The following PDE7A variants were observed in gnomAD, a reference collection of about 807,000 sequenced individuals.
PDE7A encodes phosphodiesterase 7A.
Under a neutral mutation model 64.3 loss-of-function variants are expected in PDE7A, and 39 were observed. The ratio of observed to expected loss-of-function variants is 0.61; its 90% CI spans 0.47 to 0.79. The LOEUF (loss-of-function observed/expected upper bound fraction) is 0.79, where lower values mean the gene tolerates loss of function less well. Among genes scored for constraint, PDE7A ranks in the 30% least tolerant of loss-of-function variants. The probability of loss-of-function intolerance (pLI) is 0.00; values close to 1 mark genes in which losing one functional copy is unlikely to be tolerated. For synonymous variants in PDE7A, 203 were observed against 206.8 expected (o/e 0.98, Z 0.16); for missense variants, 470 against 582.8 (o/e 0.81, Z 1.99).
Position 65,779,750 on chromosome 8 carries a change from G to A in PDE7A, c.253C>T (p.His85Tyr), listed in dbSNP as rs1468908871. The A allele has an allele frequency of 6.3e-7, 1 of 1,594,552 alleles. No individual in the cohort carries two copies. Among genetic ancestry groups the A allele is most frequent in the East Asian group, 2.3e-5 (1 of 43,914 alleles). Residue 85 changes from histidine (H) to tyrosine (Y), a missense_variant, in exon 3 of 13, where the codon CAC becomes TAC. His to Tyr is a moderately conservative substitution (Grantham distance 83). Transcript: ENST00000401827. ...AGFESERRGS[H>Y]PYIDFRIFHS... ...AAAATACGAAAATCAATATATGGGT[G>A]AGAACCTCTTCTTTCTGATTCAAAT... is the stretch of plus-strand genomic sequence containing the variant.
intron 3 of PDE7A, among the ~76,000 whole-genome samples, chr8:65,772,796 G>A (rs1226088508): frequency 1.3e-5 from 2 of 152,104 alleles, no homozygotes; most frequent in African/African-American, 4.8e-5. Context: ...TTGAGGTCAG[G>A]AGTTCAAGAC....
chr8:65,775,484 G>A (rs1307688925), intron 3 of PDE7A, among the ~76,000 whole-genome samples: 2 of 152,132 alleles, frequency 1.3e-5, no homozygotes, highest in Admixed American at 6.5e-5. Flanking sequence ...TAATTATCAC[G>A]TTTTTATGGT....
intron 1 of PDE7A, among the ~76,000 whole-genome samples, chr8:65,816,746 G>C (rs1164714999): frequency 6.6e-6 from 1 of 152,198 alleles, no homozygotes; most frequent in Non-Finnish European, 1.5e-5. Context: ...TGTGTAGTGA[G>C]TTGATTTTCT....
Position 65,729,236 on chromosome 8 carries a change from A to C in PDE7A, c.697-1935T>G, listed in dbSNP as rs185602636. ...AAAGCCATCATTAGGGTTCTTTTTC[A>C]ATAAAATAGAAAACTATTAAGTGGT... On this transcript the variant is annotated intron_variant, in intron 7 of 12. Coordinates refer to ENST00000401827, the MANE Select transcript of PDE7A (RefSeq NM_001242318.3). Among the ~76,000 whole-genome samples, 279 of 152,258 alleles carry C rather than the reference A, an allele frequency of 1.8e-3. 1 individual carries two copies. Among genetic ancestry groups the C allele is most frequent in the Non-Finnish European group, 8.2e-4 (56 of 68,018 alleles).
chr8:65,804,961 T>A (rs921354896), intron 1 of PDE7A, among the ~76,000 whole-genome samples: 1 of 152,152 alleles, frequency 6.6e-6, no homozygotes, highest in Admixed American at 6.5e-5. Flanking sequence ...TCTCTCATCC[T>A]CTCAAGTAGC....
At chr8:65,739,700 A>G (rs1159859025) in intron 5 of PDE7A, 103 bp from the exon 6 acceptor site, 2 of 1,173,462 alleles carry the variant, frequency 1.7e-6, no homozygotes, top group South Asian at 6.2e-5. Context: ...GGAAAGAGTA[A>G]TAATTCCCAC....
In PDE7A at chr8:65,777,586, T is replaced by A. The variant is rs189387948; in HGVS notation, c.283+2134A>T. Among the ~76,000 whole-genome samples the A allele has an allele frequency of 2.1e-3, 323 of 152,378 alleles. 1 individual carries two copies. The highest frequency in any genetic ancestry group is 7.4e-3 in the African/African-American group (308 of 41,588). On this transcript the variant is annotated intron_variant, in intron 3 of 12. Coordinates refer to ENST00000401827, the MANE Select transcript of PDE7A (RefSeq NM_001242318.3). ...TTTTGTTCTTTCCACAACCTTGTCA[T>A]GTTGTAGTATCAAGATTACATGCTA...
intron 1 of PDE7A, among the ~76,000 whole-genome samples, chr8:65,828,243 C>G (rs1810727903): frequency 6.6e-6 from 1 of 151,982 alleles, no homozygotes; most frequent in Non-Finnish European, 1.5e-5. Context: ...ACTGAATAAC[C>G]TTCCAGATTT....
chr8:65,774,381 A>G (rs1304392733), intron 3 of PDE7A, among the ~76,000 whole-genome samples: 1 of 152,166 alleles, frequency 6.6e-6, no homozygotes, highest in Non-Finnish European at 1.5e-5. Context: ...TATAATCAGA[A>G]AGTTTAAAGA....
chr8:65,722,919 G>A (rs1806444737), intron 12 of PDE7A: 1 of 152,216 alleles, frequency 6.6e-6, no homozygotes, highest in Non-Finnish European at 1.5e-5. Context: ...AACTCTACGA[G>A]GCACATGGAA....
In PDE7A at chr8:65,719,955, G is replaced by A. The variant is rs79892102; in HGVS notation, c.1244-460C>T. Among the ~76,000 whole-genome samples, 456 of 152,208 alleles carry A rather than the reference G, an allele frequency of 3.0e-3. 4 individuals carry two copies. Among genetic ancestry groups the A allele is most frequent in the African/African-American group, 0.01 (421 of 41,536 alleles). ...AGTAGTCTACTGCTTTACCCCTCAG[G>A]GATGGAATCTTCATGCCTGGTCATG... On this transcript the variant is annotated intron_variant, in intron 12 of 12. Transcript: ENST00000401827.
chr8:65,760,634 T>C (rs1808441999), intron 3 of PDE7A, among the ~76,000 whole-genome samples: 2 of 152,196 alleles, frequency 1.3e-5, no homozygotes, highest in Non-Finnish European at 2.9e-5. Flanking sequence ...GGATAAAACA[T>C]GATGAGATCA....
intron 4 of PDE7A, among the ~76,000 whole-genome samples, chr8:65,746,957 C>T (rs1438056112): frequency 6.6e-6 from 1 of 152,162 alleles, no homozygotes. Context: ...ACTTAAAATA[C>T]ATTGGAAATT....
intron 1 of PDE7A, among the ~76,000 whole-genome samples, chr8:65,826,167 T>C (rs921296945): frequency 6.6e-6 from 1 of 152,136 alleles, no homozygotes; most frequent in African/African-American, 2.4e-5. Flanking sequence ...AGGAACCAGA[T>C]CACATGGGGC....
chr8:65,795,666 C>A (rs1169346018), intron 1 of PDE7A, among the ~76,000 whole-genome samples: 1 of 152,064 alleles, frequency 6.6e-6, no homozygotes, highest in Non-Finnish European at 1.5e-5. Flanking sequence ...AAAGCCCTAT[C>A]AGAAACACTA....
At chr8:65,749,019 C>T (rs1265089137) in intron 3 of PDE7A, among the ~76,000 whole-genome samples, 4 of 152,294 alleles carry the variant, frequency 2.6e-5, no homozygotes, top group South Asian at 2.1e-4. Context: ...GAAGGCTTCA[C>T]GCTCCAAGTC....
At chr8:65,839,233 A>G (rs971975508) in intron 1 of PDE7A, among the ~76,000 whole-genome samples, 1 of 151,758 alleles carries the variant, frequency 6.6e-6, no homozygotes, top group African/African-American at 2.4e-5. Context: ...TAAAAAAAAA[A>G]GGGTTTTTTT....
intron 1 of PDE7A, among the ~76,000 whole-genome samples, chr8:65,834,917 T>C (rs1810917345): frequency 6.6e-6 from 1 of 152,198 alleles, no homozygotes; most frequent in South Asian, 2.1e-4. Context: ...ACAAATCTAG[T>C]TTTTGTTCCT....
intron 3 of PDE7A, among the ~76,000 whole-genome samples, chr8:65,774,423 T>A (rs974397154): frequency 3.3e-5 from 5 of 152,126 alleles, no homozygotes; most frequent in Admixed American, 3.3e-4. Context: ...CTTTTAAAGA[T>A]CTTAAATAAT....
Sources: allele counts gnomAD v4.1 joint callset (sites outside exome capture counted in the v4.1 genomes callset), GRCh38; gene constraint gnomAD v4.1.1; transcripts MANE v1.5; gene names NCBI Gene and HGNC (gene_info 2026-07-23, HGNC 2026-07-21).